Variants in HDAC4 observed in about 807,000 individuals in gnomAD.
HDAC4 encodes the protein histone deacetylase A.
In HDAC4, 16 loss-of-function variants were observed where a neutral mutation model predicts 135.1. The observed-to-expected ratio is 0.12, with a 90% CI of 0.08 to 0.18. HDAC4 has a LOEUF of 0.18. Ranked by LOEUF, HDAC4 falls within the 10% of genes least tolerant of loss-of-function variation. HDAC4 has a pLI of 1.00. For missense variants in HDAC4, 1,143 were observed against 1,511.8 expected (o/e 0.76, Z 4.05); for synonymous variants, 685 against 653.4 (o/e 1.05, Z -0.74).
intron 1 of HDAC4, among the ~76,000 whole-genome samples, chr2:239,393,830 G>A (rs950773081): frequency 1.1e-4 from 16 of 152,180 alleles, no homozygotes; most frequent in South Asian, 6.2e-4. Flanking sequence ...TGGCCACTGC[G>A]TCTGGCACAG....
At chr2:239,267,016 G>A (rs1398172358) in intron 2 of HDAC4, among the ~76,000 whole-genome samples, 1 of 152,192 alleles carries the variant, frequency 6.6e-6, no homozygotes, top group Admixed American at 6.5e-5. Flanking sequence ...CACAGTGGCT[G>A]TGCACAGCTG....
intron 7 of HDAC4, among the ~76,000 whole-genome samples, chr2:239,149,865 G>A (rs1183898204): frequency 1.3e-5 from 2 of 152,130 alleles, no homozygotes; most frequent in African/African-American, 4.8e-5. Context: ...GGAGGGGGTG[G>A]GGAAAATGGA....
intron 2 of HDAC4, among the ~76,000 whole-genome samples, chr2:239,257,196 A>G (rs893894526): frequency 1.3e-5 from 2 of 152,120 alleles, no homozygotes; most frequent in African/African-American, 4.8e-5. Flanking sequence ...AAAACTCTGA[A>G]TATCGATATT....
Position 239,053,194 on chromosome 2 carries a change from A to G in HDAC4, c.3231-58T>C, listed in dbSNP as rs1020256224. The G allele has an allele frequency of 5.0e-6, 8 of 1,603,312 alleles. No homozygotes were observed. In the African/African-American group the frequency reaches 6.7e-5, roughly 13 times the overall value. On this transcript the variant is annotated intron_variant, in intron 26 of 26. Transcript: ENST00000543185. ...GTGGGGCAGGTGCACCACAGAGAGG[A>G]GAGAACAGAACGTGGGTTAAAGGCT...
intron 1 of HDAC4, among the ~76,000 whole-genome samples, chr2:239,377,389 G>C (rs1306346499): frequency 6.6e-6 from 1 of 152,186 alleles, no homozygotes; most frequent in Non-Finnish European, 1.5e-5. Context: ...GCCAGCATGA[G>C]AGGCCTGCTC....
chr2:239,091,928 A>G (rs920149150), intron 17 of HDAC4: 3 of 150,458 alleles, frequency 2.0e-5, no homozygotes, highest in Non-Finnish European at 4.4e-5. Flanking sequence ...AAAATTAGCC[A>G]GGTGCCGTGG....
chr2:239,191,185 G>A, intron 3 of HDAC4: 1 of 351,136 alleles, frequency 2.8e-6, no homozygotes, highest in Non-Finnish European at 5.7e-6. Flanking sequence ...TGCCCTCTAG[G>A]AGGGTCTCAA....
In HDAC4 at chr2:239,285,056, G is replaced by C. The variant is rs889183073; in HGVS notation, c.23-48392C>G. On this transcript the variant is annotated intron_variant, in intron 2 of 26. Transcript: ENST00000543185. The surrounding 1 kb of genome is among the most constrained non-coding windows in gnomAD (Gnocchi z 4.5). The stretch of plus-strand genomic sequence containing the variant: ...CTAAATGCATCCATCAGTCTACCAA[G>C]CCATCAAATAAAATACATCCCACCC... Among the ~76,000 whole-genome samples, 21 of 152,252 alleles carry C rather than the reference G, an allele frequency of 1.4e-4. No homozygotes were observed. The highest frequency in any genetic ancestry group is 7.2e-4 in the Admixed American group (11 of 15,288).
intron 12 of HDAC4, among the ~76,000 whole-genome samples, chr2:239,119,527 C>T (rs1053031755): frequency 6.9e-5 from 10 of 144,734 alleles, no homozygotes; most frequent in Non-Finnish European, 1.2e-4. Context: ...GAGCTCAGAG[C>T]TGAGGGTGTG....
rs2031092176 is a variant in HDAC4, at chr2:239,052,928, C to T, written c.*169G>A. On this transcript the variant is annotated 3_prime_UTR_variant, in exon 27 of 27. Coordinates refer to ENST00000543185, the MANE Select transcript of HDAC4 (RefSeq NM_001378414.1). ...CCAGGCGTGCATGTGCGTCTCGAGA[C>T]CTGTGGGCCTGGGCGGCAGAAAGGC... 4.0e-6 allele frequency: 3 copies of T among 757,324 alleles called. No individual in the cohort carries two copies. Among genetic ancestry groups the T allele is most frequent in the Non-Finnish European group, 7.0e-6 (3 of 429,556 alleles). The allele number at this position is 757,324 out of a possible 1,614,324, so 46.9% of individuals were successfully genotyped here.
In HDAC4 at chr2:239,343,130, C is replaced by T. The variant is rs10209938; in HGVS notation, c.22+9548G>A. On this transcript the variant is annotated intron_variant, in intron 2 of 26. Coordinates refer to ENST00000543185, the MANE Select transcript of HDAC4 (RefSeq NM_001378414.1). ...GCAAACCAGTTTAAAAGCTCAGGGC[C>T]AGATATAATTCAAAAAAGTTTAGGT... is the stretch of plus-strand genomic sequence containing the variant. Among the ~76,000 whole-genome samples, 393 of 152,252 alleles carry T rather than the reference C, an allele frequency of 2.6e-3. 3 individuals are homozygous for T. Among genetic ancestry groups the T allele is most frequent in the African/African-American group, 8.9e-3 (371 of 41,536 alleles).
chr2:239,208,008 C>T (rs1470380176), intron 3 of HDAC4, among the ~76,000 whole-genome samples: 1 of 151,816 alleles, frequency 6.6e-6, no homozygotes, highest in Non-Finnish European at 1.5e-5. Context: ...GACCAATACA[C>T]CTGGTGTTTT....
chr2:239,084,989 A>G (rs948664354), intron 19 of HDAC4, among the ~76,000 whole-genome samples: 1 of 149,532 alleles, frequency 6.7e-6, no homozygotes, highest in Non-Finnish European at 1.5e-5. Context: ...ACACATATAC[A>G]CATAAGCATA....
At chr2:239,179,929 C>A (rs1215587420) in intron 4 of HDAC4, among the ~76,000 whole-genome samples, 4 of 152,214 alleles carry the variant, frequency 2.6e-5, no homozygotes, top group African/African-American at 7.2e-5. Flanking sequence ...CCCAAGTGTG[C>A]GTTCTGAATG....
chr2:239,103,521 C>T (rs998248461), intron 15 of HDAC4, among the ~76,000 whole-genome samples: 3 of 152,232 alleles, frequency 2.0e-5, no homozygotes, highest in Non-Finnish European at 2.9e-5. Flanking sequence ...TTAAAGGGGA[C>T]GATGGCTTTG....
intron 2 of HDAC4, among the ~76,000 whole-genome samples, chr2:239,246,010 C>G (rs2048438145): frequency 6.6e-6 from 1 of 152,208 alleles, no homozygotes; most frequent in Non-Finnish European, 1.5e-5. Flanking sequence ...CTGCCTGCGT[C>G]CAGTCCCGCC....
rs1333417863 is a variant in HDAC4, at chr2:239,202,134, C to T, written c.95-12057G>A. On this transcript the variant is annotated intron_variant, in intron 3 of 26. Coordinates refer to ENST00000543185, the MANE Select transcript of HDAC4 (RefSeq NM_001378414.1). Reference sequence around the variant, plus strand: ...GGTGCTGCTGGAGGGCTGGCTGTCTCCATGCCCTCACCTCATCCACGAACC... The same window carrying T: ...GGTGCTGCTGGAGGGCTGGCTGTCTTCATGCCCTCACCTCATCCACGAACC... 2.0e-5 allele frequency among the ~76,000 whole-genome samples: 3 copies of T among 152,144 alleles called. No homozygotes were observed. The East Asian group carries it at 5.8e-4, about 29-fold the overall frequency.
rs540483753 is a variant in HDAC4, at chr2:239,349,717, G to T, written c.22+2961C>A. 7.2e-5 allele frequency among the ~76,000 whole-genome samples: 11 copies of T among 152,370 alleles called. No homozygotes were observed. The East Asian group carries it at 2.1e-3, about 29-fold the overall frequency. ...GGCACAAGGGGTCCTGCCTCCCAAG[G>T]GACCTCCGGGCGGAAGGGCAGACAC... On this transcript the variant is annotated intron_variant, in intron 2 of 26. Transcript: ENST00000543185. This position sits in a 1 kb window ranked among gnomAD's most constrained non-coding sequence, Gnocchi z 5.7.
chr2:239,246,626 C>T (rs1398188943), intron 2 of HDAC4, among the ~76,000 whole-genome samples: 1 of 152,216 alleles, frequency 6.6e-6, no homozygotes, highest in Non-Finnish European at 1.5e-5. Flanking sequence ...CGGAGAACAG[C>T]GTTTCCTGGA....
Sources: gnomAD v4.1 joint callset for allele counts (sites outside exome capture counted in the v4.1 genomes callset) on GRCh38, gnomAD v4.1.1 for gene constraint, Gnocchi (gnomAD v3.1) non-coding constraint, MANE v1.5 for transcripts, NCBI Gene and HGNC (gene_info 2026-07-23, HGNC 2026-07-21) for gene names.